Variants in DLG2 observed in about 807,000 individuals in gnomAD.
DLG2 encodes disks large homolog 2.
In DLG2, 45 loss-of-function variants were observed where a neutral mutation model predicts 132.5. That is an observed-to-expected ratio of 0.34 (90% confidence interval 0.27 to 0.44). The LOEUF (loss-of-function observed/expected upper bound fraction) is 0.44, where lower values mean the gene tolerates loss of function less well. DLG2 is among the 20% of genes least tolerant of loss of function. The pLI is 1.00. For missense variants in DLG2, 1,045 were observed against 1,196.9 expected (o/e 0.87, Z 1.87); for synonymous variants, 424 against 419.6 (o/e 1.01, Z -0.13).
At position 85,382,122 on chromosome 11, in the gene DLG2, C is replaced by G. The variant is rs543517061; in HGVS notation, c.41-96757G>C. 3.9e-5 allele frequency among the ~76,000 whole-genome samples: 6 copies of G among 152,184 alleles called. 1 individual carries two copies. In the South Asian group the frequency reaches 1.2e-3, roughly 32 times the overall value. On this transcript the variant is annotated intron_variant, in intron 3 of 27. Transcript: ENST00000376104. The stretch of plus-strand genomic sequence containing the variant: ...TTGGAGAACTCACACTTCCCTATTT[C>G]AAAACTTACTTCTGTAATCAAGACA...
At chr11:84,871,698 A>G (rs776834771) in intron 6 of DLG2, among the ~76,000 whole-genome samples, 1 of 151,896 alleles carries the variant, frequency 6.6e-6, no homozygotes, top group Non-Finnish European at 1.5e-5. Context: ...GTATATAACT[A>G]CATCATTTCA....
chr11:85,345,675 AG>A (rs970860348), intron 3 of DLG2, among the ~76,000 whole-genome samples: 2 of 152,064 alleles, frequency 1.3e-5, no homozygotes, highest in African/African-American at 2.4e-5. Context: ...CTGCCTAAAA[AG>A]CAGCAATCAT....
At chr11:84,117,133 C>T (rs1333670057) in intron 9 of DLG2, among the ~76,000 whole-genome samples, 7 of 152,176 alleles carry the variant, frequency 4.6e-5, no homozygotes, top group Non-Finnish European at 8.8e-5. Context: ...ATCTCACGCA[C>T]CCTAATCCTT....
intron 6 of DLG2, among the ~76,000 whole-genome samples, chr11:85,019,098 A>G (rs1350039337): frequency 2.6e-5 from 4 of 152,220 alleles, no homozygotes; most frequent in Non-Finnish European, 5.9e-5. Context: ...CTTTGCAGTT[A>G]GGGAAGAAAC....
intron 7 of DLG2, among the ~76,000 whole-genome samples, chr11:84,511,305 A>T (rs2099256442): frequency 1.3e-5 from 2 of 152,126 alleles, no homozygotes; most frequent in Non-Finnish European, 2.9e-5. Context: ...AGGACTAATC[A>T]AATATGAATG....
intron 8 of DLG2, among the ~76,000 whole-genome samples, chr11:84,184,560 A>AGCT (rs2096235098): frequency 6.6e-6 from 1 of 151,580 alleles, no homozygotes; most frequent in African/African-American, 2.4e-5. Context: ...GCTGTGCAGA[A>AGCT]GCTCTTTAGT....
chr11:83,720,973 A>C (rs1039592174), intron 18 of DLG2: 1 of 151,896 alleles, frequency 6.6e-6, no homozygotes, highest in Non-Finnish European at 1.5e-5. Flanking sequence ...AATCTGATTA[A>C]TTGTTTTCAG....
chr11:84,632,776 G>C (rs2099634245), intron 6 of DLG2, among the ~76,000 whole-genome samples: 1 of 152,120 alleles, frequency 6.6e-6, no homozygotes, highest in African/African-American at 2.4e-5. Context: ...CTTTTTGGTT[G>C]CTACTGGAAA....
intron 4 of DLG2, among the ~76,000 whole-genome samples, chr11:85,236,687 C>T (rs1403353373): frequency 3.3e-5 from 5 of 151,922 alleles, no homozygotes; most frequent in African/African-American, 1.2e-4. Context: ...TTAATTAAAC[C>T]TCAAATAACT....
chr11:84,167,739 T>C (rs2095703818), intron 8 of DLG2, among the ~76,000 whole-genome samples: 1 of 152,108 alleles, frequency 6.6e-6, no homozygotes, highest in Admixed American at 6.5e-5. Flanking sequence ...CGATCTTGGC[T>C]CACTGCAACC....
chr11:84,221,895 TA>T (rs1597769942), intron 8 of DLG2, among the ~76,000 whole-genome samples: 1 of 152,118 alleles, frequency 6.6e-6, no homozygotes, highest in Non-Finnish European at 1.5e-5. Context: ...TTATATTTAA[TA>T]TTTTTTATAA....
intron 6 of DLG2, chr11:84,800,682 T>C (rs1241744311): frequency 6.6e-6 from 1 of 152,164 alleles, no homozygotes; most frequent in Non-Finnish European, 1.5e-5. Flanking sequence ...GATGAGTAAA[T>C]AAAAAGACTT....
At chr11:83,596,888 G>A (rs1449178446) in intron 19 of DLG2, among the ~76,000 whole-genome samples, 6 of 151,748 alleles carry the variant, frequency 4.0e-5, no homozygotes, top group Admixed American at 6.6e-5. Context: ...TCTGAGAATC[G>A]ACCTAATCTA....
intron 18 of DLG2, among the ~76,000 whole-genome samples, chr11:83,751,988 C>G (rs1217208116): frequency 6.6e-6 from 1 of 152,086 alleles, no homozygotes; most frequent in Non-Finnish European, 1.5e-5. Context: ...AGAGGACTTG[C>G]CTGGCTGCGG....
At chr11:85,118,747 G>A (rs1159527819) in intron 5 of DLG2, among the ~76,000 whole-genome samples, 1 of 151,888 alleles carries the variant, frequency 6.6e-6, no homozygotes, top group Non-Finnish European at 1.5e-5. Context: ...ACTGGACCCG[G>A]GTTACAATGC....
chr11:83,977,440 T>C (rs1174044613), intron 12 of DLG2, among the ~76,000 whole-genome samples: 2 of 152,086 alleles, frequency 1.3e-5, no homozygotes, highest in East Asian at 3.8e-4. Flanking sequence ...AGTACACTAC[T>C]GTATTCCTAG....
At chr11:84,571,559 C>T (rs1461291621) in intron 6 of DLG2, among the ~76,000 whole-genome samples, 1 of 152,070 alleles carries the variant, frequency 6.6e-6, no homozygotes, top group Admixed American at 6.6e-5. Flanking sequence ...CCTCCTCCTG[C>T]TCACCAGATA....
At chr11:85,034,284 T>C (rs1204051849) in intron 6 of DLG2, among the ~76,000 whole-genome samples, 1 of 152,044 alleles carries the variant, frequency 6.6e-6, no homozygotes, top group Non-Finnish European at 1.5e-5. Flanking sequence ...TTCACCATGT[T>C]AGCCGGGATG....
intron 7 of DLG2, among the ~76,000 whole-genome samples, chr11:84,451,305 T>A (rs2099050942): frequency 6.6e-6 from 1 of 151,980 alleles, no homozygotes; most frequent in Admixed American, 6.6e-5. Flanking sequence ...AAATTTCTCA[T>A]GGTCCACAAT....
Sources: gnomAD v4.1 joint callset for allele counts (sites outside exome capture counted in the v4.1 genomes callset) on GRCh38, gnomAD v4.1.1 for gene constraint, MANE v1.5 for transcripts, NCBI Gene and HGNC (gene_info 2026-07-23, HGNC 2026-07-21) for gene names.